Variants in KCNT1 observed in about 807,000 individuals in gnomAD.
KCNT1 encodes potassium sodium-activated channel subfamily T member 1.
A neutral mutation model predicts 147.8 loss-of-function variants in KCNT1; 78 were observed. The ratio of observed to expected loss-of-function variants is 0.53; its 90% CI spans 0.44 to 0.64. The LOEUF (loss-of-function observed/expected upper bound fraction) is 0.64. KCNT1 is among the 30% of genes least tolerant of loss of function. KCNT1 has a pLI of 0.00. For synonymous variants in KCNT1, 867 were observed against 748.8 expected, an observed-to-expected ratio of 1.16 and a Z score of -2.58; for missense variants, 1,419 against 1,750.3, an observed-to-expected ratio of 0.81 and a Z score of 3.38.
At chr9:135,734,284 C>T (rs1250999173) in intron 2 of KCNT1, among the ~76,000 whole-genome samples, 1 of 152,140 alleles carries the variant, frequency 6.6e-6, no homozygotes, top group East Asian at 1.9e-4. Flanking sequence ...AGCCTGGGGC[C>T]CCAGCCCACC....
intron 2 of KCNT1, among the ~76,000 whole-genome samples, chr9:135,744,216 C>A (rs955176005): frequency 1.3e-5 from 2 of 152,254 alleles, no homozygotes; most frequent in African/African-American, 4.8e-5. Context: ...CCCTGGAAGG[C>A]CAGTCCCCCA....
At chr9:135,744,605 G>A (rs958711634) in intron 2 of KCNT1, among the ~76,000 whole-genome samples, 4 of 152,234 alleles carry the variant, frequency 2.6e-5, no homozygotes, top group Admixed American at 2.0e-4. Flanking sequence ...AGCCTCGGGG[G>A]GCTACAGCGG....
chr9:135,782,253 G>A (rs987041638), intron 24 of KCNT1, among the ~76,000 whole-genome samples: 5 of 152,174 alleles, frequency 3.3e-5, no homozygotes, highest in African/African-American at 9.7e-5. Context: ...TGCTGCTGGT[G>A]GGGTGACATG....
At chr9:135,779,501 CCCCAGAAT>C in intron 24 of KCNT1, 31 bp downstream of exon 24, 1 of 1,459,370 alleles carries the variant, frequency 6.9e-7, no homozygotes, top group Non-Finnish European at 9.6e-7. Flanking sequence ...CCAGCTGCCA[CCCCAGAAT>C]CCCAGAAAGA....
intron 24 of KCNT1, among the ~76,000 whole-genome samples, chr9:135,779,832 A>G (rs903584891): frequency 9.2e-5 from 14 of 152,256 alleles, no homozygotes; most frequent in Non-Finnish European, 1.6e-4. Context: ...CGGTGGTTCC[A>G]CATAGGTTGG....
chr9:135,709,549 C>A (rs1410881299), intron 1 of KCNT1, among the ~76,000 whole-genome samples: 1 of 152,202 alleles, frequency 6.6e-6, no homozygotes, highest in African/African-American at 2.4e-5. Context: ...ACCCCCCGTT[C>A]TGTAACCACA....
intron 28 of KCNT1, 167 bp from the exon 29 acceptor site, chr9:135,786,030 C>T: frequency 1.6e-6 from 1 of 621,258 alleles, no homozygotes; most frequent in Non-Finnish European, 2.8e-6. Context: ...GAGGAAGGCA[C>T]ATGCACCCTG....
At chr9:135,726,620 C>T (rs565543071) in intron 2 of KCNT1, among the ~76,000 whole-genome samples, 2 of 152,150 alleles carry the variant, frequency 1.3e-5, no homozygotes, top group African/African-American at 4.8e-5. Context: ...GCCCTACTCC[C>T]GCCCCCAACC....
At chr9:135,704,695 C>T (rs1835176124) in intron 1 of KCNT1, among the ~76,000 whole-genome samples, 1 of 152,238 alleles carries the variant, frequency 6.6e-6, no homozygotes, top group African/African-American at 2.4e-5. Context: ...CCAGGGCGGG[C>T]CTGGGACCCT....
intron 29 of KCNT1, among the ~76,000 whole-genome samples, chr9:135,786,996 C>T (rs988925468): frequency 1.3e-5 from 2 of 152,204 alleles, no homozygotes; most frequent in Non-Finnish European, 1.5e-5. Flanking sequence ...TGCTGGACAG[C>T]GGATACCCAG....
At position 135,795,437 on chromosome 9, in the gene KCNT1, C is replaced by G. The variant is rs908938784; in HGVS notation, c.*3276C>G. 1 of 152,118 alleles carries G rather than the reference C, an allele frequency of 6.6e-6. No individual in the cohort carries two copies. Among genetic ancestry groups the G allele is most frequent in the South Asian group, 2.1e-4 (1 of 4,828 alleles). The allele number at this position is 152,118 out of a possible 1,614,324, so 9.4% of individuals were successfully genotyped here. The stretch of plus-strand genomic sequence containing the variant: ...CCAGCCTGGGTGGCAGAGAGAGACC[C>G]TGTCTCAAACAAAACAAACAAACAA... On this transcript the variant is annotated 3_prime_UTR_variant, in exon 31 of 31. Coordinates refer to ENST00000371757, the MANE Select transcript of KCNT1 (RefSeq NM_020822.3).
At chr9:135,773,471 G>A (rs1380395249) in intron 19 of KCNT1, among the ~76,000 whole-genome samples, 1 of 152,226 alleles carries the variant, frequency 6.6e-6, no homozygotes, top group Non-Finnish European at 1.5e-5. Context: ...TCTGAGCAGG[G>A]TCCCTGTGCA....
At position 135,792,054 on chromosome 9, in the gene KCNT1, T is replaced by C. The variant is rs1834578232; in HGVS notation, c.3601T>C (p.Ser1201Pro). The C allele has an allele frequency of 3.1e-6, 5 of 1,604,056 alleles. No homozygotes were observed. The highest frequency in any genetic ancestry group is 3.4e-6 in the Non-Finnish European group (4 of 1,179,732). The change falls in exon 31 of 31, where the codon TCC becomes CCC. Residue 1201 changes from serine to proline, a missense_variant. Coordinates refer to ENST00000371757, the MANE Select transcript of KCNT1 (RefSeq NM_020822.3). The stretch of plus-strand genomic sequence containing the variant: ...GCCCTCCCGCAGCTATCTCATCCGC[T>C]CCGACCCCCTGGCTCACGTGGCCAG... Reference protein sequence around the residue: ...EPSDIVYLIRSDPLAHVASSS... With the variant: ...EPSDIVYLIRPDPLAHVASSS...
rs2131611821 is a variant in KCNT1, at chr9:135,793,638, G to A, written c.*1477G>A. ...GGCCGAGGTGCAGCCCCTCCCCGGTGTCAGGGCAGACAACACAGCAGCTGC... is the reference window on the plus strand; with the variant it reads ...GGCCGAGGTGCAGCCCCTCCCCGGTATCAGGGCAGACAACACAGCAGCTGC... On this transcript the variant is annotated 3_prime_UTR_variant, in exon 31 of 31. Coordinates refer to ENST00000371757, the MANE Select transcript of KCNT1 (RefSeq NM_020822.3). 6.6e-6 allele frequency: 1 copy of A among 152,572 alleles called. No individual in the cohort carries two copies. The highest frequency in any genetic ancestry group is 2.1e-4 in the South Asian group (1 of 4,834). 9.5% of individuals were successfully genotyped at this position (152,572 alleles called of 1,614,324 possible). A position where few individuals can be genotyped will look rare whatever the true frequency, so the allele number is the denominator to read the frequency against.
intron 1 of KCNT1, among the ~76,000 whole-genome samples, chr9:135,713,050 T>G (rs1835566106): frequency 6.6e-6 from 1 of 152,100 alleles, no homozygotes; most frequent in Admixed American, 6.5e-5. Context: ...GACTGGGCCT[T>G]GAGGCCAGGA....
Position 135,765,123 on chromosome 9 carries a change from G to A in KCNT1, c.1128G>A (p.Leu376=). 2.5e-6 allele frequency: 4 copies of A among 1,613,598 alleles called. No homozygotes were observed. The highest frequency in any genetic ancestry group is 3.4e-6 in the Non-Finnish European group (4 of 1,179,964). Residue 376 remains leucine, a synonymous_variant, in exon 12 of 31, where the codon CTG becomes CTA. Coordinates refer to ENST00000371757, the MANE Select transcript of KCNT1 (RefSeq NM_020822.3). ...CGCAGACGGAGAAGCACGTGGTCCT[G>A]TGTGTCAGCTCCCTCAAGATCGACC... The part of the protein sequence containing the change: ...HRAQTEKHVV[L]CVSSLKIDLL...
Position 135,750,023 on chromosome 9 carries a change from G to A in KCNT1, c.255-75G>A, listed in dbSNP as rs1369374128. ...TGGAAAGTTGGAAGAAGTCAGTCAG[G>A]TTGGGGCTCCCGGCGTGTCCCCAGC... is the stretch of plus-strand genomic sequence containing the variant. On this transcript the variant is annotated intron_variant, in intron 2 of 30. Coordinates refer to ENST00000371757, the MANE Select transcript of KCNT1 (RefSeq NM_020822.3). The A allele has an allele frequency of 4.1e-6, 5 of 1,217,928 alleles. No individual in the cohort carries two copies. The East Asian group carries it at 9.4e-5, about 23-fold the overall frequency. 75.4% of individuals were successfully genotyped at this position (1,217,928 alleles called of 1,614,324 possible). A position where few individuals can be genotyped will look rare whatever the true frequency, so the allele number is the denominator to read the frequency against.
At chr9:135,786,807 G>A (rs895591788) in intron 29 of KCNT1, among the ~76,000 whole-genome samples, 4 of 152,236 alleles carry the variant, frequency 2.6e-5, no homozygotes, top group East Asian at 1.9e-4. Context: ...TGTGAGCCCC[G>A]TAGGGAGGTG....
chr9:135,724,837 G>T (rs1052739646), intron 2 of KCNT1, among the ~76,000 whole-genome samples: 1 of 152,160 alleles, frequency 6.6e-6, no homozygotes, highest in African/African-American at 2.4e-5. Context: ...AGCTTCCTCC[G>T]CCCAGGCAGA....
Sources: allele counts gnomAD v4.1 joint callset (sites outside exome capture counted in the v4.1 genomes callset), GRCh38; gene constraint gnomAD v4.1.1; transcripts MANE v1.5; gene names NCBI Gene and HGNC (gene_info 2026-07-23, HGNC 2026-07-21).